COL4A1: variants seen among roughly 807,000 people sequenced by gnomAD.
COL4A1 encodes collagen type IV alpha 1 chain.
A neutral mutation model predicts 216.6 loss-of-function variants in COL4A1; 40 were observed. The observed-to-expected ratio is 0.18, with a 90% CI of 0.14 to 0.24. COL4A1 has a LOEUF of 0.24. Among genes scored for constraint, COL4A1 ranks in the 10% least tolerant of loss-of-function variants. COL4A1 has a pLI of 1.00. For synonymous variants in COL4A1, 839 were observed against 810.7 expected, an observed-to-expected ratio of 1.03 and a Z score of -0.59; for missense variants, 1,628 against 2,196.8, an observed-to-expected ratio of 0.74 and a Z score of 5.18.
intron 1 of COL4A1, among the ~76,000 whole-genome samples, chr13:110,275,310 G>A (rs774521112): frequency 1.3e-5 from 2 of 152,170 alleles, no homozygotes; most frequent in Non-Finnish European, 1.5e-5. Flanking sequence ...ATGCAAATGC[G>A]TTCCACATAG....
chr13:110,200,528 G>A (rs2305079), intron 20 of COL4A1, among the ~76,000 whole-genome samples: 20,588 of 152,154 alleles, frequency 0.14, 1,739 homozygotes, highest in East Asian at 0.28. Context: ...TGGAAAGACA[G>A]GACCTGCTCA....
chr13:110,268,354 T>C lies in COL4A1; in HGVS notation c.85-25620A>G. Among the ~76,000 whole-genome samples, 1 of 152,122 alleles carries C rather than the reference T, an allele frequency of 6.6e-6. No homozygotes were observed. The highest frequency in any genetic ancestry group is 2.4e-5 in the African/African-American group (1 of 41,408). On this transcript the variant is annotated intron_variant, in intron 1 of 51. Transcript: ENST00000375820. The surrounding 1 kb of genome is among the most constrained non-coding windows in gnomAD (Gnocchi z 4.1). Reference sequence around the variant, plus strand: ...CCTGAATGCAAAAGATGGCAGGGATTTCTTGGGTGGGGAGGGGAGGGAAAG... The same window carrying C: ...CCTGAATGCAAAAGATGGCAGGGATCTCTTGGGTGGGGAGGGGAGGGAAAG...
At chr13:110,170,483 C>T (rs988513766) in intron 42 of COL4A1, 64 bp downstream of exon 42, 69 of 1,495,628 alleles carry the variant, frequency 4.6e-5, no homozygotes, top group Non-Finnish European at 5.7e-5. Context: ...ATTTCTTTTA[C>T]GCTATTTCCT....
At chr13:110,292,357 C>CA (rs1884121645) in intron 1 of COL4A1, among the ~76,000 whole-genome samples, 1 of 152,194 alleles carries the variant, frequency 6.6e-6, no homozygotes, top group Non-Finnish European at 1.5e-5. Context: ...TCAAGGGGTT[C>CA]ACGGGCCCCC....
At chr13:110,297,702 A>G (rs1199503559) in intron 1 of COL4A1, among the ~76,000 whole-genome samples, 1 of 152,198 alleles carries the variant, frequency 6.6e-6, no homozygotes, top group Non-Finnish European at 1.5e-5. Context: ...CATCTATCAT[A>G]CCATTACCAA....
At chr13:110,255,048 G>A (rs1882448131) in intron 1 of COL4A1, among the ~76,000 whole-genome samples, 1 of 152,218 alleles carries the variant, frequency 6.6e-6, no homozygotes, top group Non-Finnish European at 1.5e-5. Context: ...CAAGGAAGGT[G>A]GCTGGACAAG....
chr13:110,153,807 C>A (rs1002698946), intron 50 of COL4A1, among the ~76,000 whole-genome samples: 2 of 152,066 alleles, frequency 1.3e-5, no homozygotes, highest in African/African-American at 2.4e-5. Context: ...TGCTTTCCTG[C>A]CAACTTTTTC....
chr13:110,194,575 T>C (rs1021487887), intron 22 of COL4A1, among the ~76,000 whole-genome samples: 7 of 152,036 alleles, frequency 4.6e-5, no homozygotes, highest in Non-Finnish European at 1.0e-4. Context: ...CAACGGTAGA[T>C]TTGCTCACAC....
chr13:110,209,382 G>T lies in COL4A1; in HGVS notation c.651+10C>A, dbSNP rs781749982. 9 of 1,611,736 alleles carry T rather than the reference G, an allele frequency of 5.6e-6. No individual in the cohort carries two copies. The highest frequency in any genetic ancestry group is 5.3e-5 in the African/African-American group (4 of 74,922). The stretch of plus-strand genomic sequence containing the variant: ...AATGCCAAAGAACAAAAAATGAAAA[G>T]AACTTTTACCTTTTCACCTGGAGGG... On this transcript the variant is annotated intron_variant, in intron 11 of 51. Coordinates refer to ENST00000375820, the MANE Select transcript of COL4A1 (RefSeq NM_001845.6).
intron 49 of COL4A1, among the ~76,000 whole-genome samples, chr13:110,158,616 T>A (rs9515157): frequency 0.21 from 31,255 of 152,168 alleles, 3,375 homozygotes; most frequent in East Asian, 0.44. Context: ...TATAAAAAAC[T>A]TTGTATCTTT....
chr13:110,214,841 C>T (rs76462321), intron 2 of COL4A1, among the ~76,000 whole-genome samples: 12,809 of 152,240 alleles, frequency 0.084, 531 homozygotes, highest in African/African-American at 0.1. Context: ...TAAATCTAAG[C>T]AGCATCCAGC....
chr13:110,174,555 T>G (rs755165572), intron 38 of COL4A1, 29 bp from the exon 39 acceptor site: 3 of 1,613,930 alleles, frequency 1.9e-6, no homozygotes, highest in Non-Finnish European at 2.5e-6. Context: ...CACCAGAACA[T>G]CCATAAGTTT....
At chr13:110,203,014 A>G (rs1257081320) in intron 18 of COL4A1, among the ~76,000 whole-genome samples, 1 of 152,150 alleles carries the variant, frequency 6.6e-6, no homozygotes, top group Non-Finnish European at 1.5e-5. Flanking sequence ...GGAGTTCGAG[A>G]CCAGCTTGGC....
intron 41 of COL4A1, among the ~76,000 whole-genome samples, chr13:110,171,174 C>G (rs539112818): frequency 1.3e-5 from 2 of 152,368 alleles, no homozygotes; most frequent in East Asian, 3.9e-4. Flanking sequence ...TGGGCTGGAT[C>G]TCAAACGAAT....
rs999433993 is a variant in COL4A1 at position 110,211,782 on chromosome 13, CAAAG to C, written c.441+83_441+86del. Reference sequence around the variant, plus strand: ...AAAATATAAGTTATTAAAACATAAGCAAAGAAAGAAAGAAAAGGAAATGGAATGA... The same window carrying C: ...AAAATATAAGTTATTAAAACATAAGCAAAGAAAGAAAAGGAAATGGAATGA... On this transcript the variant is annotated intron_variant, in intron 7 of 51. Transcript: ENST00000375820. This position sits in a 1 kb window ranked among gnomAD's most constrained non-coding sequence, Gnocchi z 4.3. The C allele has an allele frequency of 5.2e-5, 78 of 1,505,310 alleles. No individual in the cohort carries two copies. Among genetic ancestry groups the C allele is most frequent in the East Asian group, 4.1e-4 (18 of 44,318 alleles). The allele number at this position is 1,505,310 out of a possible 1,614,324, so 93.2% of individuals were successfully genotyped here.
intron 31 of COL4A1, among the ~76,000 whole-genome samples, chr13:110,178,628 C>T (rs1877998792): frequency 1.3e-5 from 2 of 152,104 alleles, no homozygotes; most frequent in South Asian, 4.2e-4. Flanking sequence ...AATTAACCGT[C>T]CTATGGAAAG....
intron 2 of COL4A1, among the ~76,000 whole-genome samples, chr13:110,226,039 G>A (rs1012172359): frequency 4.6e-5 from 7 of 152,140 alleles, no homozygotes; most frequent in African/African-American, 1.4e-4. Flanking sequence ...TTATTCTCAC[G>A]ATTTCTATGT....
intron 1 of COL4A1, among the ~76,000 whole-genome samples, chr13:110,278,393 C>T (rs961384121): frequency 2.0e-5 from 3 of 152,126 alleles, no homozygotes; most frequent in Non-Finnish European, 2.9e-5. Context: ...GACCTGGATT[C>T]TGGAAATACC....
chr13:110,198,078 G>GTGTGTGT lies in COL4A1; in HGVS notation c.1285+388_1285+389insACACACA, dbSNP rs1555305317. On this transcript the variant is annotated intron_variant, in intron 21 of 51. Coordinates refer to ENST00000375820, the MANE Select transcript of COL4A1 (RefSeq NM_001845.6). ...GTAATCCTGTCTTCCTTGTTTCTGG[G>GTGTGTGT]GTGTGTGTGTGTGTGTGTGTGTGTG... 6.4e-3 allele frequency among the ~76,000 whole-genome samples: 914 copies of GTGTGTGT among 141,922 alleles called. 9 individuals are homozygous for GTGTGTGT. The highest frequency in any genetic ancestry group is 0.011 in the African/African-American group (386 of 36,672). The allele number at this position is 141,922 out of a possible 152,430, so 93.1% of individuals were successfully genotyped here.
Sources: allele counts gnomAD v4.1 joint callset (sites outside exome capture counted in the v4.1 genomes callset), GRCh38; gene constraint gnomAD v4.1.1; non-coding constraint Gnocchi (gnomAD v3.1); transcripts MANE v1.5; gene names NCBI Gene and HGNC (gene_info 2026-07-23, HGNC 2026-07-21).